The following AKAP7 variants were observed in gnomAD, a reference collection of about 807,000 sequenced individuals.
AKAP7 encodes A-kinase anchoring protein 7.
AKAP7 carries 39 observed loss-of-function variants against 39.5 expected under a neutral mutation model. The observed-to-expected ratio is 0.99, with a 90% CI of 0.76 to 1.29. The LOEUF (loss-of-function observed/expected upper bound fraction) is 1.29, where lower values mean the gene tolerates loss of function less well. AKAP7 is among the 50% of genes most tolerant of loss of function. The pLI, the probability that AKAP7 is intolerant of heterozygous loss-of-function variation, is 0.00. For missense variants in AKAP7, 414 were observed against 407.7 expected (o/e 1.02, Z -0.13); for synonymous variants, 140 against 139.1 (o/e 1.01, Z -0.05).
chr6:131,262,787 C>T (rs1382480903), intron 7 of AKAP7, among the ~76,000 whole-genome samples: 2 of 152,174 alleles, frequency 1.3e-5, no homozygotes, highest in Admixed American at 6.5e-5. Context: ...TTGTTAACCA[C>T]GTGTTCTGCA....
intron 7 of AKAP7, among the ~76,000 whole-genome samples, chr6:131,220,912 G>A (rs960440053): frequency 1.3e-5 from 2 of 151,996 alleles, no homozygotes; most frequent in Admixed American, 6.6e-5. Context: ...TGTTCCGACT[G>A]CTCCACCGAA....
At chr6:131,168,092 A>C (rs1269779747) in intron 4 of AKAP7, among the ~76,000 whole-genome samples, 1 of 152,212 alleles carries the variant, frequency 6.6e-6, no homozygotes, top group African/African-American at 2.4e-5. Flanking sequence ...GTCCAATTCA[A>C]TAATATTGTA....
chr6:131,196,463 C>G (rs1219005005), intron 5 of AKAP7, among the ~76,000 whole-genome samples: 1 of 151,958 alleles, frequency 6.6e-6, no homozygotes, highest in Non-Finnish European at 1.5e-5. Flanking sequence ...GAGGTTTCAC[C>G]ATGTTGGCCA....
At chr6:131,206,709 T>A (rs1392401054) in intron 6 of AKAP7, among the ~76,000 whole-genome samples, 1 of 152,198 alleles carries the variant, frequency 6.6e-6, no homozygotes, top group Non-Finnish European at 1.5e-5. Flanking sequence ...GTCATCTTTC[T>A]TCACTCACTA....
At chr6:131,212,283 T>G (rs902262705) in intron 6 of AKAP7, among the ~76,000 whole-genome samples, 2 of 152,244 alleles carry the variant, frequency 1.3e-5, no homozygotes, top group Non-Finnish European at 2.9e-5. Flanking sequence ...AAAAATTATT[T>G]TACATAGCCA....
In AKAP7 at chr6:131,213,321, C is replaced by T. The variant is rs193005065; in HGVS notation, c.703-6340C>T. On this transcript the variant is annotated intron_variant, in intron 6 of 7. Transcript: ENST00000431975. ...TACTGAGAATTTTTTATACCAGTGG[C>T]TTACTGGCATTAATTACTTAGTGTT... is the stretch of plus-strand genomic sequence containing the variant. Among the ~76,000 whole-genome samples, 493 of 152,202 alleles carry T rather than the reference C, an allele frequency of 3.2e-3. 4 individuals are homozygous for T. Among genetic ancestry groups the T allele is most frequent in the African/African-American group, 0.011 (465 of 41,492 alleles).
At chr6:131,235,032 A>T (rs1005432320) in intron 7 of AKAP7, among the ~76,000 whole-genome samples, 2 of 151,988 alleles carry the variant, frequency 1.3e-5, no homozygotes, top group African/African-American at 4.8e-5. Context: ...CATTAGGTAT[A>T]TCTCCTAATG....
At chr6:131,273,630 C>T (rs1814486855) in intron 7 of AKAP7, among the ~76,000 whole-genome samples, 1 of 152,112 alleles carries the variant, frequency 6.6e-6, no homozygotes. Flanking sequence ...CTATTGTTGC[C>T]ATAACTTTTA....
At position 131,161,644 on chromosome 6, in the gene AKAP7, CAAAAAAAAAAAAAAAAAAAAAA is replaced by C. The variant is rs55744190; in HGVS notation, c.291+1465_291+1486del. 4.6e-3 allele frequency among the ~76,000 whole-genome samples: 154 copies of C among 33,636 alleles called. 1 individual carries two copies. Among genetic ancestry groups the C allele is most frequent in the Admixed American group, 0.012 (20 of 1,642 alleles). 22.1% of individuals were successfully genotyped at this position (33,636 alleles called of 152,430 possible). On this transcript the variant is annotated intron_variant, in intron 3 of 7. Transcript: ENST00000431975. ...TGGGTGACAGAGCCAGACTGTATCT[CAAAAAAAAAAAAAAAAAAAAAA>C]AAAAAAAAAAAAAAAAAATTAAAGG...
At chr6:131,218,176 C>T (rs1403275147) in intron 6 of AKAP7, among the ~76,000 whole-genome samples, 3 of 152,086 alleles carry the variant, frequency 2.0e-5, no homozygotes, top group African/African-American at 7.2e-5. Context: ...TGAACAAAAA[C>T]ATGCATCAAT....
At chr6:131,193,018 C>T (rs1202223877) in intron 5 of AKAP7, among the ~76,000 whole-genome samples, 1 of 152,074 alleles carries the variant, frequency 6.6e-6, no homozygotes, top group African/African-American at 2.4e-5. Context: ...AAGATCATAT[C>T]ATCTGCAAAC....
intron 7 of AKAP7, among the ~76,000 whole-genome samples, chr6:131,252,728 A>G (rs1316303265): frequency 6.6e-6 from 1 of 152,210 alleles, no homozygotes; most frequent in Admixed American, 6.5e-5. Flanking sequence ...TGATAATGTG[A>G]AAGAATCCAT....
chr6:131,209,853 A>G (rs1318605142), intron 6 of AKAP7, among the ~76,000 whole-genome samples: 5 of 152,318 alleles, frequency 3.3e-5, no homozygotes, highest in African/African-American at 1.2e-4. Flanking sequence ...GATTATGGGT[A>G]AAGACAAAAT....
chr6:131,274,860 C>T (rs1239765760), intron 7 of AKAP7, among the ~76,000 whole-genome samples: 1 of 152,200 alleles, frequency 6.6e-6, no homozygotes, highest in Admixed American at 6.5e-5. Flanking sequence ...CTGGAAACCT[C>T]CCTGCCTCTC....
chr6:131,246,948 ATCCCCTTATTGTCAATAC>A (rs1812050198), intron 7 of AKAP7, among the ~76,000 whole-genome samples: 1 of 131,152 alleles, frequency 7.6e-6, no homozygotes, highest in South Asian at 2.3e-4. Context: ...TTGAGTTCAG[ATCCCCTTATTGTCAATAC>A]TCTCCAAAAG....
chr6:131,135,166 A>G (rs1452756701), upstream of AKAP7, among the ~76,000 whole-genome samples: 1 of 152,244 alleles, frequency 6.6e-6, no homozygotes, highest in African/African-American at 2.4e-5. Context: ...TGCAAAACTA[A>G]GCACATGGAT....
chr6:131,223,842 A>G (rs1186061614), intron 7 of AKAP7, among the ~76,000 whole-genome samples: 5 of 152,200 alleles, frequency 3.3e-5, no homozygotes, highest in African/African-American at 1.2e-4. Flanking sequence ...CTAAATTGAC[A>G]CTGGACAGTT....
chr6:131,194,952 C>A (rs928114435), intron 5 of AKAP7, among the ~76,000 whole-genome samples: 1 of 151,958 alleles, frequency 6.6e-6, no homozygotes, highest in African/African-American at 2.4e-5. Context: ...GTGTTTCTTG[C>A]AGGCAACAGA....
At chr6:131,224,730 CTTTTTTTTTTTTTTT>C (rs779047229) in intron 7 of AKAP7, among the ~76,000 whole-genome samples, 2 of 55,110 alleles carry the variant, frequency 3.6e-5, no homozygotes, top group East Asian at 1.2e-3. Context: ...AGTTGATTCA[CTTTTTTTTTTTTTTT>C]TTTTTTTTTT....
Sources: gnomAD v4.1 joint callset for allele counts (sites outside exome capture counted in the v4.1 genomes callset) on GRCh38, gnomAD v4.1.1 for gene constraint, MANE v1.5 for transcripts, NCBI Gene and HGNC (gene_info 2026-07-23, HGNC 2026-07-21) for gene names.